Variants in NUP210L observed in about 807,000 individuals in gnomAD.
The protein encoded by NUP210L is nucleoporin 210 like.
NUP210L carries 74 observed loss-of-function variants against 208.5 expected under a neutral mutation model. The observed-to-expected ratio is 0.35, with a 90% CI of 0.29 to 0.43. The LOEUF (loss-of-function observed/expected upper bound fraction) is 0.43, where lower values mean the gene tolerates loss of function less well. NUP210L is among the 20% of genes least tolerant of loss of function. The pLI, the probability that NUP210L is intolerant of heterozygous loss-of-function variation, is 1.00. For synonymous variants in NUP210L, 780 were observed against 816.9 expected, an observed-to-expected ratio of 0.95 and a Z score of 0.77; for missense variants, 1,843 against 2,289.4, an observed-to-expected ratio of 0.81 and a Z score of 3.98.
rs770844539 is a variant in NUP210L at position 153,993,109 on chromosome 1, T to C, written c.5492-20A>G. The C allele has an allele frequency of 3.8e-6, 6 of 1,595,478 alleles. No homozygotes were observed. The African/African-American group carries it at 4.0e-5, about 11-fold the overall frequency. ...TGTATGCTGGAAAAAGGACAGGAAA[T>C]GTCACAAGGCATATCTGAGGAAGGC... On this transcript the variant is annotated intron_variant, in intron 38 of 39. Transcript: ENST00000368559.
chr1:154,154,850 G>A, exon 1 of NUP210L: 1 of 1,613,676 alleles, frequency 6.2e-7, no homozygotes, highest in Non-Finnish European at 8.5e-7. Flanking sequence ...ACCAAGTGTA[G>A]CAGCCCCGCT....
At chr1:154,008,097 C>A (rs901524194) in intron 35 of NUP210L, among the ~76,000 whole-genome samples, 1 of 151,654 alleles carries the variant, frequency 6.6e-6, no homozygotes. Flanking sequence ...GTCTCAAACT[C>A]CTGACCTCAA....
At chr1:154,073,777 T>C (rs1038729366) in intron 16 of NUP210L, among the ~76,000 whole-genome samples, 1 of 150,872 alleles carries the variant, frequency 6.6e-6, no homozygotes, top group Non-Finnish European at 1.5e-5. Flanking sequence ...AATGGACCAC[T>C]GCACTCCAGC....
intron 26 of NUP210L, 42 bp from the exon 27 acceptor site, chr1:154,046,242 T>C (rs370093970): frequency 4.2e-5 from 67 of 1,614,022 alleles, no homozygotes; most frequent in East Asian, 6.7e-5. Flanking sequence ...TTCTGCCCAG[T>C]TGCAATTATC....
At chr1:154,104,537 TAC>T (rs1656645572) in intron 12 of NUP210L, 2 of 245,262 alleles carry the variant, frequency 8.2e-6, no homozygotes, top group South Asian at 1.1e-4. Flanking sequence ...ACCTGGGGAG[TAC>T]AGTGATTGTG....
intron 23 of NUP210L, among the ~76,000 whole-genome samples, chr1:154,056,000 A>T (rs1653846228): frequency 6.6e-6 from 1 of 152,190 alleles, no homozygotes; most frequent in Non-Finnish European, 1.5e-5. Context: ...CAGAGGTTGC[A>T]CTGAGCCAAG....
At chr1:154,141,397 T>C (rs763742336) in intron 4 of NUP210L, 34 bp downstream of exon 4, 4 of 1,309,190 alleles carry the variant, frequency 3.1e-6, no homozygotes, top group Non-Finnish European at 3.3e-6. Flanking sequence ...GTCTTCTTCA[T>C]AGTCAGATGA....
At chr1:154,134,423 C>CT (rs375962653) in intron 7 of NUP210L, among the ~76,000 whole-genome samples, 2,444 of 129,742 alleles carry the variant, frequency 0.019, 59 homozygotes, top group African/African-American at 0.05. Context: ...CTCCGTGTAC[C>CT]TTTTTTTTTT....
In NUP210L at chr1:154,056,903, C is replaced by T. The variant is rs761052029; in HGVS notation, c.3152G>A (p.Arg1051Gln). Reference sequence around the variant, plus strand: ...TGTGGTTTGCCCAATAGTGGTAGCTCGAAGAATATAATTTTCAGAGTATTC... The same window carrying T: ...TGTGGTTTGCCCAATAGTGGTAGCTTGAAGAATATAATTTTCAGAGTATTC... Residue 1051 changes from arginine (R) to glutamine (Q), a missense_variant, in exon 23 of 40, where the codon CGA becomes CAA. Physicochemically the swap from Arg to Gln is conservative, Grantham distance 43. This residue lies in a region of NUP210L where 781 missense variants were observed against 973.8 expected (regional missense o/e 0.80). Coordinates refer to ENST00000368559, the Ensembl canonical transcript of NUP210L. 1.7e-5 allele frequency: 28 copies of T among 1,608,878 alleles called. No homozygotes were observed. Among genetic ancestry groups the T allele is most frequent in the African/African-American group, 9.4e-5 (7 of 74,560 alleles).
intron 11 of NUP210L, among the ~76,000 whole-genome samples, chr1:154,118,170 G>C (rs1252793980): frequency 6.6e-6 from 1 of 152,034 alleles, no homozygotes; most frequent in African/African-American, 2.4e-5. Context: ...TTAGCTGGGA[G>C]TGGTGGCACA....
chr1:154,071,975 CGTGTGTGTGT>C (rs57566189), intron 16 of NUP210L, among the ~76,000 whole-genome samples: 1 of 148,366 alleles, frequency 6.7e-6, no homozygotes, highest in African/African-American at 2.5e-5. Context: ...TATTCCATCG[CGTGTGTGTGT>C]GTGTGTGTGT....
intron 16 of NUP210L, among the ~76,000 whole-genome samples, chr1:154,085,964 C>A (rs1036984884): frequency 6.6e-6 from 1 of 152,076 alleles, no homozygotes; most frequent in African/African-American, 2.4e-5. Context: ...GTAATCCCAG[C>A]ACTTTGGGAG....
chr1:154,009,856 T>A, intron 35 of NUP210L, 116 bp downstream of exon 35: 1 of 811,058 alleles, frequency 1.2e-6, no homozygotes, highest in Non-Finnish European at 1.8e-6. Context: ...CTGACAAAGA[T>A]TCCACAGTTA....
chr1:154,052,270 T>G (rs1476226029), intron 25 of NUP210L, among the ~76,000 whole-genome samples: 1 of 152,116 alleles, frequency 6.6e-6, no homozygotes, highest in Non-Finnish European at 1.5e-5. Context: ...CAACAGCCGA[T>G]TTGGATACCA....
chr1:154,018,649 G>A (rs1651395984), intron 33 of NUP210L, among the ~76,000 whole-genome samples: 1 of 152,074 alleles, frequency 6.6e-6, no homozygotes, highest in African/African-American at 2.4e-5. Context: ...TATGTCACCT[G>A]GATTACCGCA....
intron 17 of NUP210L, among the ~76,000 whole-genome samples, chr1:154,066,797 G>C (rs1425151588): frequency 6.6e-6 from 1 of 152,162 alleles, no homozygotes; most frequent in African/African-American, 2.4e-5. Flanking sequence ...ACTACCATCA[G>C]AGAATACTAT....
chr1:154,111,989 G>A (rs982575157), intron 12 of NUP210L, among the ~76,000 whole-genome samples: 12 of 151,324 alleles, frequency 7.9e-5, no homozygotes, highest in African/African-American at 2.0e-4. Context: ...GTGCAATGGC[G>A]CGATCTCAGC....
chr1:154,024,880 C>G (rs1429811450), intron 30 of NUP210L, among the ~76,000 whole-genome samples: 2 of 149,112 alleles, frequency 1.3e-5, no homozygotes, highest in Admixed American at 6.7e-5. Context: ...GTCCTTTTGC[C>G]AAAGCTGCTA....
chr1:154,027,578 A>G (rs1027943266), exon 29 of NUP210L: 13 of 1,612,954 alleles, frequency 8.1e-6, no homozygotes, highest in Non-Finnish European at 1.1e-5. Flanking sequence ...TGGATAGAAG[A>G]GTTGGAGTTT....
Sources: allele counts gnomAD v4.1 joint callset (sites outside exome capture counted in the v4.1 genomes callset), GRCh38; gene constraint gnomAD v4.1.1; regional missense constraint gnomAD v4.1.1; transcripts MANE v1.5; gene names NCBI Gene and HGNC (gene_info 2026-07-23, HGNC 2026-07-21).